The following SLC24A2 variants were observed in gnomAD, a reference collection of about 807,000 sequenced individuals.
SLC24A2 encodes the protein solute carrier family 24 member 2, also known as sodium/potassium/calcium exchanger 2.
A neutral mutation model predicts 62.0 loss-of-function variants in SLC24A2; 36 were observed. The ratio of observed to expected loss-of-function variants is 0.58; its 90% CI spans 0.44 to 0.77. The LOEUF (loss-of-function observed/expected upper bound fraction) is 0.77, where lower values mean the gene tolerates loss of function less well. Among genes scored for constraint, SLC24A2 ranks in the 30% least tolerant of loss-of-function variants. The pLI is 0.00. For synonymous variants in SLC24A2, 358 were observed against 294.0 expected (o/e 1.22, Z -2.23); for missense variants, 846 against 817.9 (o/e 1.03, Z -0.42).
chr9:19,938,845 C>G, the SLC24A2 span, among the ~76,000 whole-genome samples: 3 of 152,158 alleles, frequency 2.0e-5, no homozygotes, highest in African/African-American at 4.8e-5. Flanking sequence ...GCACATTTTA[C>G]TTAAAACTTT....
Position 19,550,132 on chromosome 9 carries a change from C to T in SLC24A2, c.1479+5G>A, listed in dbSNP as rs1834771424. 6.2e-7 allele frequency: 1 copy of T among 1,613,420 alleles called. No individual in the cohort carries two copies. Among genetic ancestry groups the T allele is most frequent in the African/African-American group, 1.3e-5 (1 of 74,872 alleles). On this transcript the variant is annotated splice_donor_5th_base_variant and intron_variant, in intron 8 of 10. Transcript: ENST00000341998. ...AGGGAACTATTTTTAAAATGCTTTA[C>T]TTACAGGTTTGCGAACGTCAGGTAA...
At chr9:19,585,065 A>G (rs894922577) in intron 5 of SLC24A2, among the ~76,000 whole-genome samples, 2 of 152,162 alleles carry the variant, frequency 1.3e-5, no homozygotes, top group African/African-American at 2.4e-5. Flanking sequence ...TCAAGTGGTG[A>G]CCAAACCCAT....
chr9:19,965,035 C>G, the SLC24A2 span, among the ~76,000 whole-genome samples: 1,217 of 152,134 alleles, frequency 8.0e-3, 13 homozygotes, highest in Middle Eastern at 0.014. Flanking sequence ...GACTGCGTAA[C>G]CAGCTCCCAC....
chr9:19,673,222 G>A (rs955453737), intron 2 of SLC24A2, among the ~76,000 whole-genome samples: 1 of 146,478 alleles, frequency 6.8e-6, no homozygotes, highest in African/African-American at 2.7e-5. Context: ...GAACTTCAGT[G>A]TTAGGTGCAT....
chr9:20,298,544 T>C, the SLC24A2 span, among the ~76,000 whole-genome samples: 3 of 152,220 alleles, frequency 2.0e-5, no homozygotes, highest in Non-Finnish European at 1.5e-5. Flanking sequence ...AGACTAATTT[T>C]CATACACACT....
the SLC24A2 span, among the ~76,000 whole-genome samples, chr9:20,052,455 G>A: frequency 6.6e-6 from 1 of 152,192 alleles, no homozygotes; most frequent in Non-Finnish European, 1.5e-5. Context: ...AATTAACACT[G>A]TAGTTGTAAA....
At chr9:19,877,759 T>C in the SLC24A2 span, among the ~76,000 whole-genome samples, 1 of 152,094 alleles carries the variant, frequency 6.6e-6, no homozygotes, top group South Asian at 2.1e-4. Context: ...GAATGGATAT[T>C]TGGATTCTTG....
At chr9:19,534,517 C>T (rs1270813694) in intron 8 of SLC24A2, among the ~76,000 whole-genome samples, 2 of 152,000 alleles carry the variant, frequency 1.3e-5, no homozygotes, top group Non-Finnish European at 2.9e-5. Context: ...AGCCCCCCAC[C>T]CCTTGACAGG....
chr9:20,179,204 G>T, the SLC24A2 span, among the ~76,000 whole-genome samples: 1 of 152,114 alleles, frequency 6.6e-6, no homozygotes, highest in Non-Finnish European at 1.5e-5. Context: ...GGCCCAAGGG[G>T]ACTGTGCCTT....
At chr9:19,947,826 A>AAGAAAG in the SLC24A2 span, among the ~76,000 whole-genome samples, 1 of 149,592 alleles carries the variant, frequency 6.7e-6, no homozygotes, top group Non-Finnish European at 1.5e-5. Flanking sequence ...GAAAGAAAGA[A>AAGAAAG]AGAAAGAAAG....
chr9:20,281,120 G>C, the SLC24A2 span, among the ~76,000 whole-genome samples: 1 of 151,936 alleles, frequency 6.6e-6, no homozygotes, highest in Admixed American at 6.6e-5. Flanking sequence ...TGTTGAGACA[G>C]GGTTTCACCA....
the SLC24A2 span, among the ~76,000 whole-genome samples, chr9:20,124,006 G>T: frequency 6.6e-6 from 1 of 152,102 alleles, no homozygotes. Flanking sequence ...AAAATACCAG[G>T]AATATCTTTA....
At chr9:19,948,354 A>G in the SLC24A2 span, among the ~76,000 whole-genome samples, 1 of 152,230 alleles carries the variant, frequency 6.6e-6, no homozygotes, top group African/African-American at 2.4e-5. Flanking sequence ...AATCACATCT[A>G]CTTAGAATGA....
At chr9:19,705,667 T>A (rs568876357) in intron 2 of SLC24A2, 1 of 208,968 alleles carries the variant, frequency 4.8e-6, no homozygotes, top group Admixed American at 4.7e-5. Context: ...AACATCTTTA[T>A]TTCTGCCTTC....
At chr9:19,680,502 TCCG>T (rs1819688627) in intron 2 of SLC24A2, among the ~76,000 whole-genome samples, 1 of 147,318 alleles carries the variant, frequency 6.8e-6, no homozygotes, top group Non-Finnish European at 1.5e-5. Context: ...CAGCTGAAAA[TCCG>T]AGTTTCTTTG....
At chr9:19,566,555 G>C (rs943873371) in intron 7 of SLC24A2, among the ~76,000 whole-genome samples, 7 of 151,896 alleles carry the variant, frequency 4.6e-5, no homozygotes, top group South Asian at 2.1e-4. Context: ...ACAGTGTGGC[G>C]ATTCCTCAAG....
At chr9:19,986,897 C>G in the SLC24A2 span, among the ~76,000 whole-genome samples, 1 of 151,966 alleles carries the variant, frequency 6.6e-6, no homozygotes. Context: ...GTACTAAATG[C>G]CATTGAAATG....
the SLC24A2 span, among the ~76,000 whole-genome samples, chr9:20,115,684 G>A: frequency 2.6e-5 from 4 of 152,138 alleles, no homozygotes; most frequent in Non-Finnish European, 4.4e-5. Context: ...TGCCGGTGAA[G>A]AACACCCTGT....
the SLC24A2 span, among the ~76,000 whole-genome samples, chr9:19,866,724 C>T: frequency 1.3e-5 from 2 of 150,292 alleles, no homozygotes; most frequent in African/African-American, 2.5e-5. Flanking sequence ...GCAAGCTCCG[C>T]CTCCCAGGTT....
Sources: gnomAD v4.1 joint callset for allele counts (sites outside exome capture counted in the v4.1 genomes callset) on GRCh38, gnomAD v4.1.1 for gene constraint, MANE v1.5 for transcripts, NCBI Gene and HGNC (gene_info 2026-07-23, HGNC 2026-07-21) for gene names.